PGGT1B: variants seen among roughly 807,000 people sequenced by gnomAD.
PGGT1B encodes the protein geranylgeranyl transferase type-1 subunit beta.
In PGGT1B, 30 loss-of-function variants were observed where a neutral mutation model predicts 46.1. The ratio of observed to expected loss-of-function variants is 0.65; its 90% CI spans 0.49 to 0.88. The LOEUF (loss-of-function observed/expected upper bound fraction) is 0.88, where lower values mean the gene tolerates loss of function less well. PGGT1B is among the 40% of genes least tolerant of loss of function. The probability of loss-of-function intolerance (pLI) is 0.00; values close to 1 mark genes in which losing one functional copy is unlikely to be tolerated. For missense variants in PGGT1B, 376 were observed against 455.9 expected, an observed-to-expected ratio of 0.82 and a Z score of 1.60; for synonymous variants, 170 against 160.0, an observed-to-expected ratio of 1.06 and a Z score of -0.47.
chr5:115,228,461 G>C (rs993874982), intron 6 of PGGT1B, among the ~76,000 whole-genome samples: 4 of 152,156 alleles, frequency 2.6e-5, no homozygotes, highest in African/African-American at 9.7e-5. Flanking sequence ...AAGGGGGTTA[G>C]AGAATGGGAT....
In PGGT1B at chr5:115,241,558, A is replaced by G. The variant is rs756583041; in HGVS notation, c.308T>C (p.Ile103Thr). 6.2e-7 allele frequency: 1 copy of G among 1,607,964 alleles called. No individual in the cohort carries two copies. The highest frequency in any genetic ancestry group is 8.5e-7 in the Non-Finnish European group (1 of 1,176,562). The change falls in exon 3 of 9, where the codon ATT becomes ACT. Residue 103 changes from isoleucine (I) to threonine (T), a missense_variant. Transcript: ENST00000419445. ...CGFRGSSYLG[I>T]PFNPSKAPGT... is the part of the protein sequence containing the mutation. ...ACCAACCTTTGATGGATTGAACGGA[A>G]TACCCAGGTATGAAGAGCCTCGGAA...
chr5:115,239,567 T>C (rs763418079), intron 3 of PGGT1B, among the ~76,000 whole-genome samples: 14 of 152,306 alleles, frequency 9.2e-5, no homozygotes, highest in Non-Finnish European at 1.5e-4. Context: ...CAAACATAAA[T>C]TAAATGTGGT....
At position 115,255,991 on chromosome 5, in the gene PGGT1B, A is replaced by G. The variant is rs1351598560; in HGVS notation, c.141-2736T>C. Among the ~76,000 whole-genome samples, 4 of 152,282 alleles carry G rather than the reference A, an allele frequency of 2.6e-5. No individual in the cohort carries two copies. In the East Asian group the frequency reaches 7.7e-4, roughly 29 times the overall value. ...ATAGAGATCAAGGTCCTACTTCACA[A>G]TCAAATCTATGGGTGTAAGGTGGGG... On this transcript the variant is annotated intron_variant, in intron 1 of 8. Transcript: ENST00000419445.
chr5:115,254,767 T>TATTTGGG (rs889804044), intron 1 of PGGT1B, among the ~76,000 whole-genome samples: 2 of 152,124 alleles, frequency 1.3e-5, no homozygotes, highest in Non-Finnish European at 2.9e-5. Flanking sequence ...CAGAAATAAA[T>TATTTGGG]ATTTGGGAAA....
Position 115,210,057 on chromosome 5 carries a change from G to C in PGGT1B, c.*2345C>G, listed in dbSNP as rs1756178069. The C allele has an allele frequency of 1.3e-5, 2 of 152,004 alleles. No individual in the cohort carries two copies. The highest frequency in any genetic ancestry group is 4.8e-5 in the African/African-American group (2 of 41,390). The allele number at this position is 152,004 out of a possible 1,614,324, so 9.4% of individuals were successfully genotyped here. Reference sequence around the variant, plus strand: ...TTTAGATTAAATATAAATAACTAAAGATCTAATAACACATATATATTATAG... The same window carrying C: ...TTTAGATTAAATATAAATAACTAAACATCTAATAACACATATATATTATAG... On this transcript the variant is annotated 3_prime_UTR_variant, in exon 9 of 9. Transcript: ENST00000419445.
rs1756005735 is a variant in PGGT1B, at chr5:115,204,475, A to AC, written c.*7926_*7927insG. On this transcript the variant is annotated 3_prime_UTR_variant, in exon 9 of 9. Transcript: ENST00000419445. ...GCATACAGTTGGCATTAATTCATACAGCACATATAAAGAATTAACCTCCCC... is the reference window on the plus strand; with the variant it reads ...GCATACAGTTGGCATTAATTCATACACGCACATATAAAGAATTAACCTCCCC... 6.6e-6 allele frequency: 1 copy of AC among 152,190 alleles called. No homozygotes were observed. Among genetic ancestry groups the AC allele is most frequent in the Non-Finnish European group, 1.5e-5 (1 of 68,032 alleles). 9.4% of individuals were successfully genotyped at this position (152,190 alleles called of 1,614,324 possible). A position where few individuals can be genotyped will look rare whatever the true frequency, so the allele number is the denominator to read the frequency against.
chr5:115,213,167 G>A (rs1756292306), intron 8 of PGGT1B, among the ~76,000 whole-genome samples: 1 of 152,210 alleles, frequency 6.6e-6, no homozygotes, highest in Non-Finnish European at 1.5e-5. Context: ...GGTAATGTCA[G>A]TCATTGTAAA....
chr5:115,253,356 T>A (rs1748184549), intron 1 of PGGT1B, 101 bp from the exon 2 acceptor site: 15 of 996,362 alleles, frequency 1.5e-5, no homozygotes, highest in Non-Finnish European at 2.1e-5. Context: ...AATTTTCCAA[T>A]AATTTAAACA....
chr5:115,239,364 G>A (rs894218970), intron 3 of PGGT1B, among the ~76,000 whole-genome samples: 2 of 151,998 alleles, frequency 1.3e-5, no homozygotes, highest in African/African-American at 4.8e-5. Context: ...TTCTTTATAT[G>A]GTCTCACAAA....
At chr5:115,246,659 A>G (rs887455416) in intron 2 of PGGT1B, among the ~76,000 whole-genome samples, 3 of 152,166 alleles carry the variant, frequency 2.0e-5, no homozygotes, top group African/African-American at 7.2e-5. Context: ...TCAATTGCCT[A>G]TTTTGAAAAA....
rs936004789 is a variant in PGGT1B, at chr5:115,209,428, T to C, written c.*2974A>G. ...TCTTAGATTGGCCCGCTGCACTTTG[T>C]AGTTGAGAAACTGTGGGCAGTGTTG... is the stretch of plus-strand genomic sequence containing the variant. On this transcript the variant is annotated 3_prime_UTR_variant, in exon 9 of 9. Coordinates refer to ENST00000419445, the MANE Select transcript of PGGT1B (RefSeq NM_005023.4). 1 of 152,150 alleles carries C rather than the reference T, an allele frequency of 6.6e-6. No homozygotes were observed. Among genetic ancestry groups the C allele is most frequent in the Non-Finnish European group, 1.5e-5 (1 of 68,002 alleles). The allele number at this position is 152,150 out of a possible 1,614,324, so 9.4% of individuals were successfully genotyped here. A position where few individuals can be genotyped will look rare whatever the true frequency, so the allele number is the denominator to read the frequency against.
intron 8 of PGGT1B, among the ~76,000 whole-genome samples, chr5:115,212,894 A>G (rs953216076): frequency 2.6e-5 from 4 of 152,148 alleles, no homozygotes; most frequent in Admixed American, 2.0e-4. Context: ...CATATGTAAG[A>G]CTTCTCACTT....
At chr5:115,257,924 T>C (rs1748393120) in intron 1 of PGGT1B, among the ~76,000 whole-genome samples, 2 of 152,222 alleles carry the variant, frequency 1.3e-5, no homozygotes, top group South Asian at 4.1e-4. Context: ...ACATAGATGC[T>C]GCCATAATAC....
At chr5:115,222,358 T>C (rs560135876) in intron 6 of PGGT1B, among the ~76,000 whole-genome samples, 1 of 152,296 alleles carries the variant, frequency 6.6e-6, no homozygotes, top group East Asian at 1.9e-4. Context: ...TTTTTAACTC[T>C]CTTAAAGACA....
rs1756038501 is a variant in PGGT1B, at chr5:115,205,574, G to C, written c.*6828C>G. ...TACAGTACTGCTACTAACTGTTAAA[G>C]CTTTATCTTGTGTGAGTTAATTCAT... On this transcript the variant is annotated 3_prime_UTR_variant, in exon 9 of 9. Transcript: ENST00000419445. 1 of 152,062 alleles carries C rather than the reference G, an allele frequency of 6.6e-6. No homozygotes were observed. The allele number at this position is 152,062 out of a possible 1,614,324, so 9.4% of individuals were successfully genotyped here.
intron 8 of PGGT1B, among the ~76,000 whole-genome samples, chr5:115,214,520 G>C (rs1166328692): frequency 6.6e-6 from 1 of 152,138 alleles, no homozygotes; most frequent in Non-Finnish European, 1.5e-5. Flanking sequence ...TAATTTTAAA[G>C]AATCTTGTTA....
intron 5 of PGGT1B, among the ~76,000 whole-genome samples, chr5:115,236,151 C>T: frequency 6.6e-6 from 1 of 152,022 alleles, no homozygotes; most frequent in East Asian, 1.9e-4. Flanking sequence ...TCAACCAATC[C>T]CTTTCTTATA....
chr5:115,257,330 T>C (rs576420055), intron 1 of PGGT1B, among the ~76,000 whole-genome samples: 1 of 151,854 alleles, frequency 6.6e-6, no homozygotes, highest in Non-Finnish European at 1.5e-5. Context: ...CTGGCCAACA[T>C]GATGAAACTC....
In PGGT1B at chr5:115,206,634, G is replaced by C. The variant is rs1265104514; in HGVS notation, c.*5768C>G. 6.6e-6 allele frequency: 1 copy of C among 151,844 alleles called. No individual in the cohort carries two copies. The highest frequency in any genetic ancestry group is 1.5e-5 in the Non-Finnish European group (1 of 67,832). 9.4% of individuals were successfully genotyped at this position (151,844 alleles called of 1,614,324 possible). A position where few individuals can be genotyped will look rare whatever the true frequency, so the allele number is the denominator to read the frequency against. On this transcript the variant is annotated 3_prime_UTR_variant, in exon 9 of 9. Transcript: ENST00000419445. ...ATATCCATACTTTAACAGTTGCATA[G>C]TATTGAGTTACATAAATGTATCATA...
Sources: allele counts gnomAD v4.1 joint callset (sites outside exome capture counted in the v4.1 genomes callset), GRCh38; gene constraint gnomAD v4.1.1; transcripts MANE v1.5; gene names NCBI Gene and HGNC (gene_info 2026-07-23, HGNC 2026-07-21).